THSD7B: variants seen among roughly 807,000 people sequenced by gnomAD.
THSD7B encodes thrombospondin type 1 domain containing 7B, also known as thrombospondin type-1 domain-containing protein 7B.
Under a neutral mutation model 213.6 loss-of-function variants are expected in THSD7B, and 138 were observed. That is an observed-to-expected ratio of 0.65 (90% confidence interval 0.56 to 0.74). THSD7B has a LOEUF of 0.74. Ranked by LOEUF, THSD7B falls within the 30% of genes least tolerant of loss-of-function variation. The probability of loss-of-function intolerance (pLI) is 0.00; values close to 1 mark genes in which losing one functional copy is unlikely to be tolerated. For missense variants in THSD7B, 1,931 were observed against 1,991.5 expected, an observed-to-expected ratio of 0.97 and a Z score of 0.58; for synonymous variants, 742 against 687.0, an observed-to-expected ratio of 1.08 and a Z score of -1.25.
intron 4 of THSD7B, among the ~76,000 whole-genome samples, chr2:137,100,159 T>C (rs1688123137): frequency 1.3e-5 from 2 of 152,038 alleles, no homozygotes; most frequent in African/African-American, 4.8e-5. Context: ...TTTAGATAAA[T>C]ATTGAAGCCA....
intron 2 of THSD7B, among the ~76,000 whole-genome samples, chr2:137,015,349 G>A (rs2195831): frequency 6.6e-5 from 10 of 152,034 alleles, no homozygotes; most frequent in Admixed American, 5.2e-4. Flanking sequence ...TTAGACTTGA[G>A]GGCTCCCCTC....
At position 137,450,864 on chromosome 2, in the gene THSD7B, T is replaced by C. The variant is rs1687635899; in HGVS notation, c.2979T>C (p.Cys993=). ...CSSSGYIQEK[C]VIPCPFDCKL... ...TGTCAGGTTACATTCAAGAAAAATG[T>C]GTCATTCCCTGCCCATTTGATTGCA... The change falls in exon 15 of 28, where the codon TGT becomes TGC. Residue 993 remains cysteine (C), a synonymous_variant. Coordinates refer to ENST00000409968, the MANE Select transcript of THSD7B (RefSeq NM_001316349.2). 11 of 1,605,920 alleles carry C rather than the reference T, an allele frequency of 6.8e-6. No homozygotes were observed. Among genetic ancestry groups the C allele is most frequent in the Non-Finnish European group, 9.3e-6 (11 of 1,176,956 alleles).
At chr2:137,034,755 C>T (rs1686741205) in intron 2 of THSD7B, among the ~76,000 whole-genome samples, 1 of 152,130 alleles carries the variant, frequency 6.6e-6, no homozygotes, top group African/African-American at 2.4e-5. Flanking sequence ...CATGTCCCTG[C>T]AAAAGATATG....
At chr2:137,437,458 A>T (rs926614257) in intron 14 of THSD7B, among the ~76,000 whole-genome samples, 10 of 152,198 alleles carry the variant, frequency 6.6e-5, no homozygotes, top group Admixed American at 1.3e-4. Flanking sequence ...GAGGCAAAAC[A>T]AAGGAAGCTG....
intron 12 of THSD7B, among the ~76,000 whole-genome samples, chr2:137,319,180 A>G (rs1226209645): frequency 6.6e-6 from 1 of 151,532 alleles, no homozygotes; most frequent in South Asian, 2.1e-4. Flanking sequence ...TTTTGAAGAC[A>G]AAAAAAAGGG....
At chr2:136,983,762 T>C (rs1206891679) in intron 2 of THSD7B, among the ~76,000 whole-genome samples, 1 of 152,214 alleles carries the variant, frequency 6.6e-6, no homozygotes, top group Admixed American at 6.5e-5. Flanking sequence ...TTGGAGTGAA[T>C]AAGCAGCATG....
At chr2:137,267,035 A>G (rs529583634) in intron 10 of THSD7B, among the ~76,000 whole-genome samples, 2 of 152,290 alleles carry the variant, frequency 1.3e-5, no homozygotes, top group East Asian at 1.9e-4. Flanking sequence ...TCGCTTTGCT[A>G]TCATCTTTCT....
chr2:137,619,887 G>T (rs1320291284), intron 19 of THSD7B, among the ~76,000 whole-genome samples: 1 of 152,128 alleles, frequency 6.6e-6, no homozygotes, highest in Non-Finnish European at 1.5e-5. Context: ...AGCTTGGTAA[G>T]GATATTGCTA....
chr2:137,457,002 T>A (rs1687775350), intron 15 of THSD7B, among the ~76,000 whole-genome samples: 1 of 152,194 alleles, frequency 6.6e-6, no homozygotes, highest in African/African-American at 2.4e-5. Flanking sequence ...CTAATTGAGC[T>A]GAATGGAGCT....
chr2:137,588,366 A>T (rs1159967147), intron 17 of THSD7B, among the ~76,000 whole-genome samples: 5 of 152,152 alleles, frequency 3.3e-5, no homozygotes, highest in African/African-American at 1.2e-4. Context: ...AACAAGCCCC[A>T]GTGAGATGAA....
chr2:137,325,794 G>T (rs556319823), intron 12 of THSD7B, among the ~76,000 whole-genome samples: 1 of 152,098 alleles, frequency 6.6e-6, no homozygotes, highest in Admixed American at 6.6e-5. Context: ...ATTCTACTAC[G>T]CAGAACTCAA....
intron 5 of THSD7B, among the ~76,000 whole-genome samples, chr2:137,137,257 G>A (rs1476142311): frequency 1.3e-5 from 2 of 152,056 alleles, no homozygotes; most frequent in Admixed American, 6.6e-5. Flanking sequence ...GTTTCCTTCC[G>A]CCCCTTCCCA....
chr2:136,943,919 G>T (rs1684878837), intron 2 of THSD7B, among the ~76,000 whole-genome samples: 1 of 152,046 alleles, frequency 6.6e-6, no homozygotes, highest in Non-Finnish European at 1.5e-5. Flanking sequence ...CTTGCCTTCT[G>T]CTAGCTTTTG....
At chr2:137,135,985 C>T (rs1013826685) in intron 5 of THSD7B, among the ~76,000 whole-genome samples, 3 of 150,242 alleles carry the variant, frequency 2.0e-5, no homozygotes, top group African/African-American at 7.3e-5. Context: ...AAAAAGGATG[C>T]GTGCATGTCC....
chr2:137,373,431 C>CA (rs1202977403), intron 12 of THSD7B, among the ~76,000 whole-genome samples: 2 of 152,210 alleles, frequency 1.3e-5, no homozygotes, highest in Non-Finnish European at 2.9e-5. Flanking sequence ...TTTTGATTTG[C>CA]ATTTCTCTGA....
chr2:137,509,235 TTTC>T (rs1175883203), intron 15 of THSD7B, among the ~76,000 whole-genome samples: 2 of 151,974 alleles, frequency 1.3e-5, no homozygotes, highest in Non-Finnish European at 2.9e-5. Flanking sequence ...CTTTTTTTCT[TTTC>T]TTTTCTTTTT....
At chr2:137,352,186 AAG>A (rs796785712) in intron 12 of THSD7B, among the ~76,000 whole-genome samples, 147 of 151,814 alleles carry the variant, frequency 9.7e-4, no homozygotes, top group African/African-American at 3.3e-3. Context: ...AGGAGGGAAA[AAG>A]AGAGGAGATA....
Position 137,546,216 on chromosome 2 carries a change from T to G in THSD7B, c.3139-17005T>G, listed in dbSNP as rs1558834063. Among the ~76,000 whole-genome samples the G allele has an allele frequency of 2.1e-5, 3 of 146,072 alleles. No individual in the cohort carries two copies. In the East Asian group the frequency reaches 6.2e-4, roughly 30 times the overall value. ...AACTGATATTAATGCATAATGCTGA[T>G]CTCATAAAATTAATAACAGTGGGCA... On this transcript the variant is annotated intron_variant, in intron 15 of 27. Coordinates refer to ENST00000409968, the MANE Select transcript of THSD7B (RefSeq NM_001316349.2).
At chr2:137,506,106 G>A (rs779714693) in intron 15 of THSD7B, among the ~76,000 whole-genome samples, 2 of 152,138 alleles carry the variant, frequency 1.3e-5, no homozygotes, top group Non-Finnish European at 2.9e-5. Flanking sequence ...GCGGCTGAGT[G>A]GGAGACAGGA....
Sources: gnomAD v4.1 joint callset for allele counts (sites outside exome capture counted in the v4.1 genomes callset) on GRCh38, gnomAD v4.1.1 for gene constraint, MANE v1.5 for transcripts, NCBI Gene and HGNC (gene_info 2026-07-23, HGNC 2026-07-21) for gene names.